Variants in CRMP1 observed in about 807,000 individuals in gnomAD.
CRMP1 encodes collapsin response mediator protein 1.
In CRMP1, 19 loss-of-function variants were observed where a neutral mutation model predicts 68.3. That is an observed-to-expected ratio of 0.28 (90% CI 0.19 to 0.41). The LOEUF (loss-of-function observed/expected upper bound fraction) is 0.41, where lower values mean the gene tolerates loss of function less well. Ranked by LOEUF, CRMP1 falls within the 10% of genes least tolerant of loss-of-function variation. The probability of loss-of-function intolerance (pLI) is 1.00; values close to 1 mark genes in which losing one functional copy is unlikely to be tolerated. For synonymous variants in CRMP1, 439 were observed against 399.6 expected (o/e 1.10, Z -1.18); for missense variants, 791 against 967.4 (o/e 0.82, Z 2.42).
Position 5,850,769 on chromosome 4 carries a change from A to T in CRMP1, c.882+639T>A, listed in dbSNP as rs895703279. ...ACCACACTAACAAGCAGAGCAAGGG[A>T]AACTGACAATGAAACAAAACTAGGA... On this transcript the variant is annotated intron_variant, in intron 5 of 13. Coordinates refer to ENST00000324989, the MANE Select transcript of CRMP1 (RefSeq NM_001014809.3). The surrounding 1 kb of genome is among the most constrained non-coding windows in gnomAD (Gnocchi z 4.4). Among the ~76,000 whole-genome samples the T allele has an allele frequency of 1.3e-5, 2 of 152,210 alleles. No individual in the cohort carries two copies. Among genetic ancestry groups the T allele is most frequent in the African/African-American group, 4.8e-5 (2 of 41,456 alleles).
At position 5,825,039 on chromosome 4, in the gene CRMP1, G is replaced by A. The variant is rs192111308; in HGVS notation, c.1969+455C>T. On this transcript the variant is annotated intron_variant, in intron 13 of 13. Transcript: ENST00000324989. The surrounding 1 kb of genome is among the most constrained non-coding windows in gnomAD (Gnocchi z 4.4). Reference sequence around the variant, plus strand: ...GGGTATAATGTTACTTTATGGAGTAGTGAGGATAAAATAAAATCATGGGTT... The same window carrying A: ...GGGTATAATGTTACTTTATGGAGTAATGAGGATAAAATAAAATCATGGGTT... 3.3e-5 allele frequency: 33 copies of A among 985,256 alleles called. No individual in the cohort carries two copies. Among genetic ancestry groups the A allele is most frequent in the Non-Finnish European group, 3.5e-5 (29 of 829,802 alleles). The allele number at this position is 985,256 out of a possible 1,614,324, so 61.0% of individuals were successfully genotyped here.
At chr4:5,871,347 C>T (rs916238905) in intron 1 of CRMP1, among the ~76,000 whole-genome samples, 7 of 152,154 alleles carry the variant, frequency 4.6e-5, no homozygotes, top group African/African-American at 1.2e-4. Flanking sequence ...AGGGGTTACC[C>T]GGTGCCGTGA....
chr4:5,868,598 G>A (rs1196760748), intron 1 of CRMP1, among the ~76,000 whole-genome samples: 1 of 152,026 alleles, frequency 6.6e-6, no homozygotes, highest in Non-Finnish European at 1.5e-5. Flanking sequence ...ACCGCGCCTG[G>A]CCTCACTTCA....
At chr4:5,863,410 A>G (rs1292129475) in intron 2 of CRMP1, among the ~76,000 whole-genome samples, 1 of 152,174 alleles carries the variant, frequency 6.6e-6, no homozygotes, top group Non-Finnish European at 1.5e-5. Flanking sequence ...GGTCTCCCCA[A>G]GCCTAATATC....
At chr4:5,839,473 C>T in intron 9 of CRMP1, 49 bp downstream of exon 9, 1 of 1,560,998 alleles carries the variant, frequency 6.4e-7, no homozygotes, top group South Asian at 1.2e-5. Flanking sequence ...CTCTCTGCCT[C>T]CAAAGGCCCC....
At chr4:5,885,429 C>T (rs997389959) in intron 1 of CRMP1, among the ~76,000 whole-genome samples, 1 of 152,196 alleles carries the variant, frequency 6.6e-6, no homozygotes, top group South Asian at 2.1e-4. Context: ...TTGATCCTTT[C>T]CAAGCCCCCA....
chr4:5,838,373 T>TA lies in CRMP1; in HGVS notation c.1310+1148dup, dbSNP rs1231321194. Among the ~76,000 whole-genome samples, 1 of 151,972 alleles carries TA rather than the reference T, an allele frequency of 6.6e-6. No homozygotes were observed. The highest frequency in any genetic ancestry group is 2.4e-5 in the African/African-American group (1 of 41,368). ...ACTTGGGTTTCACTGGCAGAGGACT[T>TA]ACTGGTTCCAAGCAGAGGGGTGCTT... is the stretch of plus-strand genomic sequence containing the variant. On this transcript the variant is annotated intron_variant, in intron 9 of 13. Transcript: ENST00000324989. This position sits in a 1 kb window ranked among gnomAD's most constrained non-coding sequence, Gnocchi z 4.9.
At position 5,892,720 on chromosome 4, in the gene CRMP1, T is replaced by C; in HGVS notation, c.250A>G (p.Thr84Ala). 2 of 1,228,818 alleles carry C rather than the reference T, an allele frequency of 1.6e-6. No individual in the cohort carries two copies. The highest frequency in any genetic ancestry group is 3.3e-5 in the South Asian group (1 of 30,112). 76.1% of individuals were successfully genotyped at this position (1,228,818 alleles called of 1,614,324 possible). ...GLPGPGGSED[T>A]ASDVSEPSGS... ...GAGGGCTCGCTCACGTCGCTGGCCGTGTCCTCGCTGCCTCCCGGCCCTGGC... is the reference window on the plus strand; with the variant it reads ...GAGGGCTCGCTCACGTCGCTGGCCGCGTCCTCGCTGCCTCCCGGCCCTGGC... Residue 84 changes from threonine (T) to alanine (A), a missense_variant, in exon 1 of 14, where the codon ACG becomes GCG. Coordinates refer to ENST00000324989, the MANE Select transcript of CRMP1 (RefSeq NM_001014809.3). This position sits in a 1 kb window ranked among gnomAD's most constrained non-coding sequence, Gnocchi z 8.6.
At chr4:5,829,190 T>C (rs899995440) in intron 11 of CRMP1, among the ~76,000 whole-genome samples, 19 of 152,300 alleles carry the variant, frequency 1.2e-4, no homozygotes, top group African/African-American at 4.6e-4. Context: ...CATTTTTTTC[T>C]TTCTCTGCTA....
intron 5 of CRMP1, among the ~76,000 whole-genome samples, chr4:5,849,770 G>GTT (rs1712487110): frequency 6.6e-6 from 1 of 152,194 alleles, no homozygotes; most frequent in Non-Finnish European, 1.5e-5. Context: ...GCCTTTTGCT[G>GTT]TCTTTTTGGG....
rs1055549666 is a variant in CRMP1 at position 5,881,465 on chromosome 4, T to C, written c.381+11124A>G. ...CCAGGTAAGTCTGCAACCATCACCA[T>C]GCCCTCCCACTGCAGTGTGACTGTA... On this transcript the variant is annotated intron_variant, in intron 1 of 13. Transcript: ENST00000324989. This position sits in a 1 kb window ranked among gnomAD's most constrained non-coding sequence, Gnocchi z 4.6. 5.9e-5 allele frequency among the ~76,000 whole-genome samples: 9 copies of C among 152,228 alleles called. No individual in the cohort carries two copies. The highest frequency in any genetic ancestry group is 9.6e-5 in the African/African-American group (4 of 41,460).
In CRMP1 at chr4:5,891,073, A is replaced by T. The variant is rs1715917734; in HGVS notation, c.381+1516T>A. On this transcript the variant is annotated intron_variant, in intron 1 of 13. Coordinates refer to ENST00000324989, the MANE Select transcript of CRMP1 (RefSeq NM_001014809.3). This position sits in a 1 kb window ranked among gnomAD's most constrained non-coding sequence, Gnocchi z 5.2. ...GGATCCCAAGAGAGGTCGGACCACC[A>T]GGGAAGGTAGTGGACAGGGGGAGAT... Among the ~76,000 whole-genome samples the T allele has an allele frequency of 6.6e-6, 1 of 151,934 alleles. No individual in the cohort carries two copies. The highest frequency in any genetic ancestry group is 6.5e-5 in the Admixed American group (1 of 15,272).
chr4:5,873,789 T>C (rs1714625073), intron 1 of CRMP1, among the ~76,000 whole-genome samples: 1 of 152,142 alleles, frequency 6.6e-6, no homozygotes, highest in African/African-American at 2.4e-5. Flanking sequence ...CCTGGGGATC[T>C]GTAAGTGGTC....
In CRMP1 at chr4:5,825,240, A is replaced by G; in HGVS notation, c.1969+254T>C. ...GTGTGTAAGGATGAGCACTGGGACA[A>G]TTTTGGTACCTCTCTTTGTAAACCC... On this transcript the variant is annotated intron_variant, in intron 13 of 13. Transcript: ENST00000324989. This position sits in a 1 kb window ranked among gnomAD's most constrained non-coding sequence, Gnocchi z 4.4. 4 of 985,298 alleles carry G rather than the reference A, an allele frequency of 4.1e-6. No individual in the cohort carries two copies. Among genetic ancestry groups the G allele is most frequent in the African/African-American group, 1.7e-5 (1 of 57,308 alleles). 61.0% of individuals were successfully genotyped at this position (985,298 alleles called of 1,614,324 possible).
chr4:5,864,292 G>C (rs533815803), intron 2 of CRMP1, among the ~76,000 whole-genome samples: 3 of 152,220 alleles, frequency 2.0e-5, no homozygotes, highest in Non-Finnish European at 2.9e-5. Flanking sequence ...TCATTCTCAG[G>C]GTCATTTTAC....
At chr4:5,828,275 C>T in intron 12 of CRMP1, 2 of 985,364 alleles carry the variant, frequency 2.0e-6, no homozygotes, top group Non-Finnish European at 2.4e-6. Flanking sequence ...CTACAGTTTG[C>T]AAAGCCCTGG....
intron 1 of CRMP1, among the ~76,000 whole-genome samples, chr4:5,887,985 G>A (rs956675172): frequency 6.6e-6 from 1 of 151,798 alleles, no homozygotes; most frequent in East Asian, 2.0e-4. Context: ...GGGGCGGCAA[G>A]CCCGCGGGGA....
chr4:5,832,802 A>T lies in CRMP1; in HGVS notation c.1623+3113T>A, dbSNP rs996548566. Among the ~76,000 whole-genome samples, 9 of 152,200 alleles carry T rather than the reference A, an allele frequency of 5.9e-5. No homozygotes were observed. The South Asian group carries it at 1.9e-3, about 32-fold the overall frequency. The stretch of plus-strand genomic sequence containing the variant: ...AACCTTGGGTATATTACATATTGTT[A>T]TGGGTTGAATCGTGCTCCCAAAAAA... On this transcript the variant is annotated intron_variant, in intron 11 of 13. Coordinates refer to ENST00000324989, the MANE Select transcript of CRMP1 (RefSeq NM_001014809.3).
intron 1 of CRMP1, among the ~76,000 whole-genome samples, chr4:5,867,389 T>G (rs775582236): frequency 6.6e-6 from 1 of 152,190 alleles, no homozygotes; most frequent in Non-Finnish European, 1.5e-5. Context: ...ATTGGGTCAT[T>G]TGTAGAACAG....
Sources: gnomAD v4.1 joint callset for allele counts (sites outside exome capture counted in the v4.1 genomes callset) on GRCh38, gnomAD v4.1.1 for gene constraint, Gnocchi (gnomAD v3.1) non-coding constraint, MANE v1.5 for transcripts, NCBI Gene and HGNC (gene_info 2026-07-23, HGNC 2026-07-21) for gene names.